Variants in RANBP2 observed in about 807,000 individuals in gnomAD.
RANBP2 encodes the protein E3 SUMO-protein ligase RanBP2.
RANBP2 carries 57 observed loss-of-function variants against 303.6 expected under a neutral mutation model. The ratio of observed to expected loss-of-function variants is 0.19; its 90% confidence interval spans 0.15 to 0.23. The LOEUF (loss-of-function observed/expected upper bound fraction) is 0.23. Among genes scored for constraint, RANBP2 ranks in the 10% least tolerant of loss-of-function variants. The probability of loss-of-function intolerance (pLI) is 1.00; values close to 1 mark genes in which losing one functional copy is unlikely to be tolerated. For missense variants in RANBP2, 3,138 were observed against 3,780.8 expected (o/e 0.83, Z 4.46); for synonymous variants, 1,167 against 1,301.5 (o/e 0.90, Z 2.23).
chr2:109,385,711 C>T, the RANBP2 span, among the ~76,000 whole-genome samples: 1 of 152,198 alleles, frequency 6.6e-6, no homozygotes, highest in Non-Finnish European at 1.5e-5. Flanking sequence ...GTTGGCCAAG[C>T]CTAAGCCTTT....
chr2:109,360,560 A>G, the RANBP2 span, among the ~76,000 whole-genome samples: 4 of 152,282 alleles, frequency 2.6e-5, no homozygotes, highest in Non-Finnish European at 5.9e-5. Context: ...CAAATATTCC[A>G]AAATCTGAAA....
At chr2:109,603,154 G>A in the RANBP2 span, among the ~76,000 whole-genome samples, 1 of 151,970 alleles carries the variant, frequency 6.6e-6, no homozygotes, top group Non-Finnish European at 1.5e-5. Flanking sequence ...AGAATACTTA[G>A]GAATCAGTGT....
the RANBP2 span, chr2:108,989,175 TC>T: frequency 1.3e-5 from 2 of 152,828 alleles, no homozygotes; most frequent in Admixed American, 1.3e-4. Flanking sequence ...TTAAAGGGCT[TC>T]CCGGGAACTC....
the RANBP2 span, among the ~76,000 whole-genome samples, chr2:108,851,796 A>G: frequency 6.6e-6 from 1 of 152,198 alleles, no homozygotes; most frequent in Admixed American, 6.5e-5. Flanking sequence ...AACACACCCA[A>G]CATCATAACA....
At chr2:109,220,289 G>T in the RANBP2 span, among the ~76,000 whole-genome samples, 1 of 152,288 alleles carries the variant, frequency 6.6e-6, no homozygotes, top group African/African-American at 2.4e-5. Flanking sequence ...ATGGGTTAAA[G>T]ATCTCAACAT....
the RANBP2 span, among the ~76,000 whole-genome samples, chr2:109,607,047 C>T: frequency 6.6e-6 from 1 of 152,158 alleles, no homozygotes; most frequent in African/African-American, 2.4e-5. Flanking sequence ...AATATTCTTC[C>T]TGTCTAAAAT....
At chr2:109,005,539 C>T in the RANBP2 span, among the ~76,000 whole-genome samples, 8 of 152,270 alleles carry the variant, frequency 5.3e-5, no homozygotes, top group Non-Finnish European at 8.8e-5. Context: ...CCCTACCTCT[C>T]TGAAGCCTTC....
intron 9 of RANBP2, among the ~76,000 whole-genome samples, chr2:108,749,686 G>C (rs1675699153): frequency 6.6e-6 from 1 of 152,136 alleles, no homozygotes; most frequent in South Asian, 2.1e-4. Context: ...TGAACTTCTG[G>C]GCTCAAGGGA....
At chr2:109,237,120 A>G in the RANBP2 span, among the ~76,000 whole-genome samples, 1 of 152,210 alleles carries the variant, frequency 6.6e-6, no homozygotes, top group African/African-American at 2.4e-5. Context: ...CAAAATACAC[A>G]TGGAGGAAAG....
chr2:109,706,125 C>T, the RANBP2 span, among the ~76,000 whole-genome samples: 10 of 152,314 alleles, frequency 6.6e-5, no homozygotes, highest in Non-Finnish European at 1.5e-4. Context: ...CCACCTCTCA[C>T]CTGGGCTAGG....
the RANBP2 span, among the ~76,000 whole-genome samples, chr2:109,467,909 A>G: frequency 6.6e-6 from 1 of 152,210 alleles, no homozygotes; most frequent in Non-Finnish European, 1.5e-5. Flanking sequence ...AGCTGCACCA[A>G]CACCCCAGGG....
Position 108,775,855 on chromosome 2 carries a change from C to G in RANBP2, c.8416C>G (p.Pro2806Ala). 6.2e-7 allele frequency: 1 copy of G among 1,613,592 alleles called. No individual in the cohort carries two copies. The highest frequency in any genetic ancestry group is 8.5e-7 in the Non-Finnish European group (1 of 1,179,910). The change falls in exon 24 of 29, where the codon CCA becomes GCA. Residue 2806 changes from proline to alanine, a missense_variant. By Grantham distance (27) the Pro-to-Ala change is conservative. This residue lies in a region of RANBP2 where 497 missense variants were observed against 465.8 expected (regional missense o/e 1.07). Transcript: ENST00000283195. ...PDSITKSISSPSVSSETMDKP... is the reference protein window; with the variant it reads ...PDSITKSISSASVSSETMDKP... ...TTCTATTACCAAATCCATTAGTTCA[C>G]CATCTGTTTCCTCTGAAACTATGGA...
the RANBP2 span, chr2:109,398,904 T>G: frequency 6.2e-7 from 1 of 1,613,438 alleles, no homozygotes; most frequent in South Asian, 1.1e-5. Context: ...CGGCCAGGAT[T>G]GGAGACCTTG....
chr2:109,564,286 C>T, the RANBP2 span: 2 of 1,245,410 alleles, frequency 1.6e-6, no homozygotes, highest in Non-Finnish European at 1.1e-6. Flanking sequence ...AGAACACATG[C>T]CCCATCATCC....
At chr2:109,215,847 C>G in the RANBP2 span, among the ~76,000 whole-genome samples, 1 of 152,170 alleles carries the variant, frequency 6.6e-6, no homozygotes, top group South Asian at 2.1e-4. Flanking sequence ...TTTCTTCTGA[C>G]ATGGAAGCAG....
the RANBP2 span, chr2:109,616,567 C>T: frequency 6.0e-6 from 1 of 167,054 alleles, no homozygotes; most frequent in Non-Finnish European, 1.5e-5. Flanking sequence ...TTTTAAGGTA[C>T]TACTGAAGGT....
At chr2:109,513,529 C>T in the RANBP2 span, among the ~76,000 whole-genome samples, 5 of 152,054 alleles carry the variant, frequency 3.3e-5, no homozygotes, top group African/African-American at 1.2e-4. Context: ...CCCACATGCA[C>T]ACATTATATG....
chr2:109,423,790 C>T, the RANBP2 span, among the ~76,000 whole-genome samples: 5 of 152,106 alleles, frequency 3.3e-5, no homozygotes, highest in Non-Finnish European at 5.9e-5. Flanking sequence ...CAGACAGATG[C>T]GACCAAGAAT....
At chr2:109,224,628 C>T in the RANBP2 span, among the ~76,000 whole-genome samples, 2 of 152,148 alleles carry the variant, frequency 1.3e-5, no homozygotes, top group Non-Finnish European at 2.9e-5. Flanking sequence ...AAGGCCAAGG[C>T]GGGCAGATCA....
Sources: gnomAD v4.1 joint callset for allele counts (sites outside exome capture counted in the v4.1 genomes callset) on GRCh38, gnomAD v4.1.1 for gene constraint, gnomAD v4.1.1 regional missense constraint, MANE v1.5 for transcripts, NCBI Gene and HGNC (gene_info 2026-07-23, HGNC 2026-07-21) for gene names.